Variants in SYT14 observed in about 807,000 individuals in gnomAD.
SYT14 encodes synaptotagmin 14.
In SYT14, 32 loss-of-function variants were observed where a neutral mutation model predicts 74.2. The observed-to-expected ratio is 0.43, with a 90% CI of 0.33 to 0.58. The LOEUF (loss-of-function observed/expected upper bound fraction) is 0.58. SYT14 is among the 20% of genes least tolerant of loss of function. SYT14 has a pLI of 0.05. For missense variants in SYT14, 791 were observed against 981.8 expected, an observed-to-expected ratio of 0.81 and a Z score of 2.60; for synonymous variants, 298 against 337.7, an observed-to-expected ratio of 0.88 and a Z score of 1.29.
chr1:209,959,002 A>T (rs1051017313), intron 2 of SYT14, among the ~76,000 whole-genome samples: 1 of 152,202 alleles, frequency 6.6e-6, no homozygotes, highest in Non-Finnish European at 1.5e-5. Context: ...AAACAATTAC[A>T]AAGTTCCTAA....
intron 5 of SYT14, among the ~76,000 whole-genome samples, chr1:210,055,069 T>C (rs1445216849): frequency 6.6e-6 from 1 of 152,218 alleles, no homozygotes; most frequent in Admixed American, 6.5e-5. Context: ...CTTCAATTCC[T>C]GAGCCTTTCT....
At chr1:209,980,298 G>T (rs1176606425) in intron 2 of SYT14, among the ~76,000 whole-genome samples, 1 of 151,606 alleles carries the variant, frequency 6.6e-6, no homozygotes, top group African/African-American at 2.4e-5. Flanking sequence ...CTTTTTAATG[G>T]TTTTTTTCTT....
intron 7 of SYT14, among the ~76,000 whole-genome samples, chr1:210,100,969 C>T (rs1455967913): frequency 6.6e-6 from 1 of 152,052 alleles, no homozygotes; most frequent in South Asian, 2.1e-4. Flanking sequence ...ATAAATCTGG[C>T]CTCATTAGAC....
chr1:210,077,027 G>C (rs546011399), intron 5 of SYT14, among the ~76,000 whole-genome samples: 1 of 152,282 alleles, frequency 6.6e-6, no homozygotes, highest in East Asian at 1.9e-4. Flanking sequence ...TTTTATTGCT[G>C]TGTTAGGCCA....
intron 2 of SYT14, among the ~76,000 whole-genome samples, chr1:210,005,022 G>T (rs1439656130): frequency 6.6e-6 from 1 of 151,928 alleles, no homozygotes; most frequent in Non-Finnish European, 1.5e-5. Context: ...ATCACTAACT[G>T]AACTATGCCG....
At chr1:210,135,686 G>A (rs2082771565) in intron 7 of SYT14, among the ~76,000 whole-genome samples, 1 of 151,998 alleles carries the variant, frequency 6.6e-6, no homozygotes, top group Admixed American at 6.6e-5. Flanking sequence ...ACATTGTTGG[G>A]TGCTAAATTA....
At chr1:210,100,649 T>G (rs2082047841) in intron 7 of SYT14, among the ~76,000 whole-genome samples, 188 bp downstream of exon 6, 1 of 152,246 alleles carries the variant, frequency 6.6e-6, no homozygotes, top group South Asian at 2.1e-4. Context: ...AAAGTTGCCC[T>G]TGAAGATAAT....
Position 210,120,981 on chromosome 1 carries a change from C to G in SYT14, c.2034+20520C>G, listed in dbSNP as rs79696390. Among the ~76,000 whole-genome samples, 1,107 of 152,052 alleles carry G rather than the reference C, an allele frequency of 7.3e-3. 5 individuals carry two copies. Among genetic ancestry groups the G allele is most frequent in the Non-Finnish European group, 0.013 (870 of 67,982 alleles). On this transcript the variant is annotated intron_variant, in intron 7 of 9. Coordinates refer to ENST00000637265, the Ensembl canonical transcript of SYT14. ...GCCAAAGTTGTTAGATATTCAAGAC[C>G]AAGTTTATGTTTGCATTTGAGGGTT...
chr1:210,100,818 A>T (rs2082051037), intron 7 of SYT14, among the ~76,000 whole-genome samples: 1 of 152,166 alleles, frequency 6.6e-6, no homozygotes, highest in Non-Finnish European at 1.5e-5. Flanking sequence ...AAAACTAGGC[A>T]ATACATTAAG....
At chr1:210,010,930 G>A (rs2080075159) in intron 2 of SYT14, among the ~76,000 whole-genome samples, 1 of 152,202 alleles carries the variant, frequency 6.6e-6, no homozygotes, top group African/African-American at 2.4e-5. Context: ...GTTAATGTAT[G>A]TAAAGTGCTT....
At chr1:210,016,283 G>C in exon 4 of SYT14, 2 of 1,232,112 alleles carry the variant, frequency 1.6e-6, no homozygotes, top group Non-Finnish European at 2.0e-6. Flanking sequence ...AGCCAATTTA[G>C]AGCATAGAGC....
At chr1:209,972,290 C>T (rs564102514) in intron 2 of SYT14, among the ~76,000 whole-genome samples, 79 of 151,794 alleles carry the variant, frequency 5.2e-4, no homozygotes, top group African/African-American at 1.9e-3. Flanking sequence ...TGTTGTTTAT[C>T]GTTTCAAAGA....
intron 2 of SYT14, among the ~76,000 whole-genome samples, chr1:209,997,879 C>T (rs1453004406): frequency 2.6e-5 from 4 of 152,036 alleles, no homozygotes; most frequent in Admixed American, 1.3e-4. Context: ...TCAATTTTAA[C>T]GGTGATTTAA....
intron 5 of SYT14, among the ~76,000 whole-genome samples, chr1:210,087,974 T>C (rs1278911997): frequency 6.6e-6 from 1 of 152,220 alleles, no homozygotes; most frequent in African/African-American, 2.4e-5. Flanking sequence ...TTTGAAATGA[T>C]GTCCTCTTTT....
chr1:210,053,079 A>C (rs1039456074), intron 5 of SYT14, among the ~76,000 whole-genome samples: 9 of 152,324 alleles, frequency 5.9e-5, no homozygotes, highest in African/African-American at 2.2e-4. Context: ...TTACACCAGA[A>C]CATGGAAATA....
At chr1:209,993,542 G>A (rs983627115) in intron 2 of SYT14, among the ~76,000 whole-genome samples, 11 of 152,294 alleles carry the variant, frequency 7.2e-5, no homozygotes, top group Admixed American at 3.3e-4. Flanking sequence ...CTGAGGGGGC[G>A]ACACGCATGG....
At chr1:210,025,070 T>C (rs1174430414) in intron 5 of SYT14, among the ~76,000 whole-genome samples, 2 of 152,194 alleles carry the variant, frequency 1.3e-5, no homozygotes, top group Non-Finnish European at 2.9e-5. Context: ...CTTATCAACT[T>C]TGAGAGTCAG....
intron 5 of SYT14, among the ~76,000 whole-genome samples, chr1:210,027,191 T>G (rs2080431284): frequency 6.6e-6 from 1 of 152,154 alleles, no homozygotes; most frequent in Admixed American, 6.6e-5. Context: ...AAAGAAAATG[T>G]TATTAAGAAA....
At chr1:209,964,327 T>G (rs1261436373) in intron 2 of SYT14, among the ~76,000 whole-genome samples, 1 of 152,060 alleles carries the variant, frequency 6.6e-6, no homozygotes. Context: ...TAAACTTCCT[T>G]TCTTTATAAA....
Sources: gnomAD v4.1 joint callset for allele counts (sites outside exome capture counted in the v4.1 genomes callset) on GRCh38, gnomAD v4.1.1 for gene constraint, MANE v1.5 for transcripts, NCBI Gene and HGNC (gene_info 2026-07-23, HGNC 2026-07-21) for gene names.